Variants in OTUD7A observed in about 807,000 individuals in gnomAD.
OTUD7A encodes OTU deubiquitinase 7A.
Under a neutral mutation model 65.7 loss-of-function variants are expected in OTUD7A, and 12 were observed. The observed-to-expected ratio is 0.18, with a 90% CI of 0.12 to 0.30. OTUD7A has a LOEUF of 0.30. Among genes scored for constraint, OTUD7A ranks in the 10% least tolerant of loss-of-function variants. The probability of loss-of-function intolerance (pLI) is 1.00; values close to 1 mark genes in which losing one functional copy is unlikely to be tolerated. For missense variants in OTUD7A, 1,148 were observed against 1,304.8 expected (o/e 0.88, Z 1.85); for synonymous variants, 641 against 586.3 (o/e 1.09, Z -1.35).
At chr15:31,688,770 G>A (rs1892899427) in intron 1 of OTUD7A, among the ~76,000 whole-genome samples, 1 of 151,140 alleles carries the variant, frequency 6.6e-6, no homozygotes, top group South Asian at 2.1e-4. Context: ...TTTACCACCT[G>A]TGTGTGTCTG....
intron 3 of OTUD7A, among the ~76,000 whole-genome samples, chr15:31,610,613 ATATATTTTTT>A (rs1168370573): frequency 2.2e-3 from 69 of 31,642 alleles, no homozygotes; most frequent in African/African-American, 9.9e-3. Context: ...ATATATATAT[ATATATTTTTT>A]TTTTTTTTTT....
At chr15:31,826,061 C>T (rs963914527) in intron 1 of OTUD7A, among the ~76,000 whole-genome samples, 16 of 152,164 alleles carry the variant, frequency 1.1e-4, no homozygotes, top group African/African-American at 3.9e-4. Flanking sequence ...GCCCATAGTA[C>T]AAGCTGTCAG....
At chr15:31,621,737 T>C (rs1890791463) in intron 3 of OTUD7A, among the ~76,000 whole-genome samples, 1 of 151,374 alleles carries the variant, frequency 6.6e-6, no homozygotes, top group Non-Finnish European at 1.5e-5. Flanking sequence ...AGTCCGTGTC[T>C]TTTAATTGGA....
intron 1 of OTUD7A, among the ~76,000 whole-genome samples, chr15:31,719,267 C>T (rs1228543911): frequency 4.6e-5 from 7 of 151,932 alleles, no homozygotes; most frequent in Non-Finnish European, 7.4e-5. Context: ...GAAATCCCTC[C>T]TTCATTGTTG....
chr15:31,600,298 CAGT>C (rs1430831272), intron 3 of OTUD7A, among the ~76,000 whole-genome samples: 1 of 152,216 alleles, frequency 6.6e-6, no homozygotes, highest in Non-Finnish European at 1.5e-5. Flanking sequence ...ATCAGACTAA[CAGT>C]GGATCTTTCT....
At chr15:31,746,502 T>C (rs956718654) in intron 1 of OTUD7A, among the ~76,000 whole-genome samples, 15 of 110,158 alleles carry the variant, frequency 1.4e-4, no homozygotes, top group African/African-American at 4.5e-4. Flanking sequence ...TAGTAGTTTT[T>C]ACATATTTTT....
At chr15:31,598,171 G>A (rs1476063777) in intron 3 of OTUD7A, among the ~76,000 whole-genome samples, 2 of 152,278 alleles carry the variant, frequency 1.3e-5, no homozygotes, top group East Asian at 3.9e-4. Context: ...ATGTGGGCAC[G>A]CCCTAAGATT....
At chr15:31,839,563 C>G (rs1897135052) in intron 1 of OTUD7A, among the ~76,000 whole-genome samples, 3 of 152,192 alleles carry the variant, frequency 2.0e-5, no homozygotes, top group Admixed American at 1.3e-4. Context: ...GCAGCCTGTC[C>G]TGGCATCCAC....
chr15:31,646,681 G>A (rs1410466791), intron 3 of OTUD7A, among the ~76,000 whole-genome samples: 1 of 152,014 alleles, frequency 6.6e-6, no homozygotes, highest in African/African-American at 2.4e-5. Context: ...GGCTGGCCTC[G>A]AACTCCTGAC....
chr15:31,629,684 T>C (rs1418659857), intron 3 of OTUD7A, among the ~76,000 whole-genome samples: 2 of 152,270 alleles, frequency 1.3e-5, no homozygotes, highest in African/African-American at 2.4e-5. Context: ...GCTCCTCCTT[T>C]TACCTCTGGT....
At chr15:31,808,479 G>A (rs1043182587) in intron 1 of OTUD7A, among the ~76,000 whole-genome samples, 3 of 152,180 alleles carry the variant, frequency 2.0e-5, no homozygotes, top group African/African-American at 7.2e-5. Flanking sequence ...TCCAGCATGA[G>A]CTTGAGTTGT....
intron 1 of OTUD7A, among the ~76,000 whole-genome samples, chr15:31,720,881 A>G (rs1282976420): frequency 1.3e-5 from 2 of 151,224 alleles, no homozygotes; most frequent in Non-Finnish European, 2.9e-5. Context: ...TAAGTGCCCT[A>G]GACAGGTATA....
intron 10 of OTUD7A, among the ~76,000 whole-genome samples, chr15:31,499,361 G>A (rs1021206139): frequency 3.3e-5 from 5 of 152,120 alleles, no homozygotes; most frequent in Non-Finnish European, 5.9e-5. Context: ...AGTGGGGGCC[G>A]GTGGCATCCT....
intron 8 of OTUD7A, among the ~76,000 whole-genome samples, chr15:31,519,832 CAGT>C (rs1350114108): frequency 6.6e-6 from 1 of 152,134 alleles, no homozygotes; most frequent in Non-Finnish European, 1.5e-5. Flanking sequence ...ATAATGAAAG[CAGT>C]AGCATTTCTA....
rs144700175 is a variant in OTUD7A, at chr15:31,736,970, C to T, written c.-99-79893G>A. 1.4e-3 allele frequency among the ~76,000 whole-genome samples: 220 copies of T among 152,122 alleles called. 1 individual carries two copies. The highest frequency in any genetic ancestry group is 4.8e-3 in the African/African-American group (199 of 41,524). ...CCAAGTAGCTAGGACTACAAGCACA[C>T]ACCACCATGCCCAGCTAATTTTTGT... is the stretch of plus-strand genomic sequence containing the variant. On this transcript the variant is annotated intron_variant, in intron 1 of 12. Coordinates refer to ENST00000307050, the MANE Select transcript of OTUD7A (RefSeq NM_001382637.1).
chr15:31,815,814 G>A (rs1896534645), intron 1 of OTUD7A, among the ~76,000 whole-genome samples: 1 of 152,220 alleles, frequency 6.6e-6, no homozygotes, highest in South Asian at 2.1e-4. Flanking sequence ...TAACAATAAT[G>A]AATAGAAAAC....
rs1555391648 is a variant in OTUD7A, at chr15:31,511,018, C to CTATATGTAATATAT, written c.894-7201_894-7200insATATATTACATATA. 2.2e-3 allele frequency among the ~76,000 whole-genome samples: 32 copies of CTATATGTAATATAT among 14,434 alleles called. 15 individuals are homozygous for CTATATGTAATATAT. In the African/African-American group the frequency reaches 0.028, roughly 13 times the overall value. 9.5% of individuals were successfully genotyped at this position (14,434 alleles called of 152,430 possible). ...CATATGTATATCTATATGTAACATA[C>CTATATGTAATATAT]ATGTATATCTATATGTAACATACAT... On this transcript the variant is annotated intron_variant, in intron 8 of 12. Coordinates refer to ENST00000307050, the MANE Select transcript of OTUD7A (RefSeq NM_001382637.1).
intron 1 of OTUD7A, among the ~76,000 whole-genome samples, chr15:31,724,096 T>A (rs1362304523): frequency 2.6e-5 from 4 of 151,536 alleles, no homozygotes; most frequent in Non-Finnish European, 4.4e-5. Flanking sequence ...GAACTGCCTA[T>A]GTATATATTT....
chr15:31,484,734 G>A lies in OTUD7A; in HGVS notation c.1372-10C>T, dbSNP rs2041209580. On this transcript the variant is annotated splice_polypyrimidine_tract_variant and intron_variant, in intron 12 of 12. Transcript: ENST00000307050. The surrounding 1 kb of genome is among the most constrained non-coding windows in gnomAD (Gnocchi z 4.5). ...GCTGTGCCAGGGGCGCCTGTGTGGAGAGGGAGGGCCGGATCGAAGGTGGTT... is the reference window on the plus strand; with the variant it reads ...GCTGTGCCAGGGGCGCCTGTGTGGAAAGGGAGGGCCGGATCGAAGGTGGTT... 6.9e-6 allele frequency: 11 copies of A among 1,589,154 alleles called. No homozygotes were observed. The highest frequency in any genetic ancestry group is 1.7e-5 in the Admixed American group (1 of 58,568).
Sources: gnomAD v4.1 joint callset for allele counts (sites outside exome capture counted in the v4.1 genomes callset) on GRCh38, gnomAD v4.1.1 for gene constraint, Gnocchi (gnomAD v3.1) non-coding constraint, MANE v1.5 for transcripts, NCBI Gene and HGNC (gene_info 2026-07-23, HGNC 2026-07-21) for gene names.